CDH13: variants seen among roughly 807,000 people sequenced by gnomAD.
CDH13 encodes cadherin 13.
CDH13 carries 24 observed loss-of-function variants against 63.8 expected under a neutral mutation model. The observed-to-expected ratio is 0.38, with a 90% confidence interval of 0.27 to 0.53. The LOEUF (loss-of-function observed/expected upper bound fraction) is 0.53. CDH13 is among the 20% of genes least tolerant of loss of function. CDH13 has a pLI of 0.85. For missense variants in CDH13, 1,049 were observed against 903.1 expected (o/e 1.16, Z -2.07); for synonymous variants, 503 against 355.3 (o/e 1.42, Z -4.67).
At chr16:83,559,118 G>T (rs538531630) in intron 7 of CDH13, among the ~76,000 whole-genome samples, 9 of 152,336 alleles carry the variant, frequency 5.9e-5, no homozygotes, top group African/African-American at 2.2e-4. Flanking sequence ...CAGGAACTAG[G>T]AGGGCAGAGT....
At chr16:82,723,014 A>G (rs1020198064) in intron 1 of CDH13, 1 of 152,170 alleles carries the variant, frequency 6.6e-6, no homozygotes, top group African/African-American at 2.4e-5. Flanking sequence ...CTTGTCCCCT[A>G]ATACAGGGCC....
At chr16:82,692,035 G>A (rs1187099619) in intron 1 of CDH13, among the ~76,000 whole-genome samples, 2 of 152,210 alleles carry the variant, frequency 1.3e-5, no homozygotes, top group Non-Finnish European at 2.9e-5. Context: ...TCTGCAAATA[G>A]TTCTGTCACT....
intron 5 of CDH13, among the ~76,000 whole-genome samples, chr16:83,249,026 T>C (rs1905233181): frequency 6.6e-6 from 1 of 152,220 alleles, no homozygotes; most frequent in Non-Finnish European, 1.5e-5. Context: ...TCAGGGACTG[T>C]AGTGTGTGTT....
At chr16:83,504,224 T>G (rs950460700) in intron 7 of CDH13, among the ~76,000 whole-genome samples, 2 of 152,200 alleles carry the variant, frequency 1.3e-5, no homozygotes, top group African/African-American at 4.8e-5. Flanking sequence ...ATCCTCAGGT[T>G]GCTGCACCCT....
At chr16:83,475,196 T>C (rs1371559642) in intron 6 of CDH13, among the ~76,000 whole-genome samples, 1 of 152,248 alleles carries the variant, frequency 6.6e-6, no homozygotes, top group Non-Finnish European at 1.5e-5. Context: ...CAAGGGGTTC[T>C]GTGCAACTGT....
intron 1 of CDH13, among the ~76,000 whole-genome samples, chr16:82,842,844 G>A (rs1322199159): frequency 1.3e-5 from 2 of 152,096 alleles, no homozygotes; most frequent in Non-Finnish European, 2.9e-5. Context: ...AGATCATCAG[G>A]CATTAGATTT....
At chr16:82,680,639 G>A (rs922915072) in intron 1 of CDH13, among the ~76,000 whole-genome samples, 1 of 152,186 alleles carries the variant, frequency 6.6e-6, no homozygotes, top group Admixed American at 6.5e-5. Flanking sequence ...CTGCATGCAT[G>A]TTAGAAAGGC....
chr16:83,061,778 C>T (rs2031572110), intron 3 of CDH13, among the ~76,000 whole-genome samples: 1 of 152,188 alleles, frequency 6.6e-6, no homozygotes, highest in Non-Finnish European at 1.5e-5. Flanking sequence ...CCAGATACGG[C>T]ACTTATGAAG....
intron 5 of CDH13, among the ~76,000 whole-genome samples, chr16:83,318,318 A>G (rs550072937): frequency 6.6e-6 from 1 of 151,846 alleles, no homozygotes; most frequent in East Asian, 1.9e-4. Context: ...TAATCACTCC[A>G]TTTTCTTGTG....
At position 82,644,646 on chromosome 16, in the gene CDH13, G is replaced by A. The variant is rs74030908; in HGVS notation, c.45+17509G>A. Among the ~76,000 whole-genome samples, 1,618 of 152,240 alleles carry A rather than the reference G, an allele frequency of 0.011. 25 individuals carry two copies. Among genetic ancestry groups the A allele is most frequent in the African/African-American group, 0.036 (1,485 of 41,524 alleles). On this transcript the variant is annotated intron_variant, in intron 1 of 13. Transcript: ENST00000567109. This position sits in a 1 kb window ranked among gnomAD's most constrained non-coding sequence, Gnocchi z 5.7. ...GTCTCCAGTCTGTAAAAGCAACCAC[G>A]CTTTGGGCTGGGGCAGAAGTCAGGA...
intron 6 of CDH13, among the ~76,000 whole-genome samples, chr16:83,462,184 G>A (rs12445788): frequency 0.44 from 66,854 of 152,100 alleles, 14,982 homozygotes; most frequent in Middle Eastern, 0.52. Flanking sequence ...GCAGCCATGA[G>A]CCCCTGCAGG....
At chr16:83,585,057 G>C (rs750404589) in intron 7 of CDH13, among the ~76,000 whole-genome samples, 9 of 152,088 alleles carry the variant, frequency 5.9e-5, no homozygotes, top group African/African-American at 1.2e-4. Context: ...CATGAGATTT[G>C]GTGGGGACAC....
chr16:83,582,987 T>C (rs4782822), intron 7 of CDH13, among the ~76,000 whole-genome samples: 39,915 of 152,046 alleles, frequency 0.26, 5,892 homozygotes, highest in South Asian at 0.37. Context: ...TTATTCAGTT[T>C]ATTGACAATC....
rs530532952 is a variant in CDH13 at position 83,694,068 on chromosome 16, G to T, written c.1538+15607G>T. Among the ~76,000 whole-genome samples, 8 of 152,310 alleles carry T rather than the reference G, an allele frequency of 5.3e-5. No individual in the cohort carries two copies. In the South Asian group the frequency reaches 8.3e-4, roughly 16 times the overall value. ...AAACCAGCATGGGCTATGTTAGGTG[G>T]AATAAAACAAGAACAGACAGGGTTG... On this transcript the variant is annotated intron_variant, in intron 10 of 13. Coordinates refer to ENST00000567109, the MANE Select transcript of CDH13 (RefSeq NM_001257.5).
chr16:83,013,601 C>G (rs952010040), intron 2 of CDH13, among the ~76,000 whole-genome samples: 78 of 152,218 alleles, frequency 5.1e-4, no homozygotes, highest in Non-Finnish European at 6.0e-4. Context: ...GTCCATCTCA[C>G]CACAGAAAAG....
At chr16:83,117,512 A>G (rs1310247466) in intron 3 of CDH13, among the ~76,000 whole-genome samples, 1 of 151,450 alleles carries the variant, frequency 6.6e-6, no homozygotes, top group African/African-American at 2.4e-5. Flanking sequence ...CTTGAGCCAT[A>G]TGTGTTCTCT....
At chr16:83,214,579 C>CA (rs751124100) in intron 4 of CDH13, among the ~76,000 whole-genome samples, 1,694 of 39,756 alleles carry the variant, frequency 0.043, 189 homozygotes, top group African/African-American at 0.14. Flanking sequence ...GACTCTGTCT[C>CA]AAAAAAAAAA....
At chr16:83,464,590 C>T (rs906695907) in intron 6 of CDH13, among the ~76,000 whole-genome samples, 2 of 152,092 alleles carry the variant, frequency 1.3e-5, no homozygotes, top group Non-Finnish European at 2.9e-5. Flanking sequence ...GAACTCCTGA[C>T]CTCAGGTGAT....
intron 10 of CDH13, among the ~76,000 whole-genome samples, chr16:83,734,810 G>C (rs1200830714): frequency 1.3e-5 from 2 of 151,504 alleles, no homozygotes; most frequent in Non-Finnish European, 2.9e-5. Flanking sequence ...GAAGCAGGTG[G>C]TCCTTTAGGC....
Sources: allele counts gnomAD v4.1 joint callset (sites outside exome capture counted in the v4.1 genomes callset), GRCh38; gene constraint gnomAD v4.1.1; non-coding constraint Gnocchi (gnomAD v3.1); transcripts MANE v1.5; gene names NCBI Gene and HGNC (gene_info 2026-07-23, HGNC 2026-07-21).